Variants in SPAG16 observed in about 807,000 individuals in gnomAD.
The protein encoded by SPAG16 is sperm-associated antigen 16 protein.
SPAG16 carries 86 observed loss-of-function variants against 80.4 expected under a neutral mutation model. The observed-to-expected ratio is 1.07, with a 90% CI of 0.90 to 1.28. The LOEUF (loss-of-function observed/expected upper bound fraction) is 1.28. SPAG16 is among the 50% of genes most tolerant of loss of function. SPAG16 has a pLI of 0.00. For synonymous variants in SPAG16, 294 were observed against 265.9 expected, an observed-to-expected ratio of 1.11 and a Z score of -1.03; for missense variants, 870 against 765.3, an observed-to-expected ratio of 1.14 and a Z score of -1.61.
chr2:213,980,851 G>T (rs1003189839), intron 12 of SPAG16, among the ~76,000 whole-genome samples: 1 of 149,492 alleles, frequency 6.7e-6, no homozygotes, highest in Non-Finnish European at 1.5e-5. Flanking sequence ...GGAGGTTGCA[G>T]TGAGCCGAGA....
intron 5 of SPAG16, among the ~76,000 whole-genome samples, chr2:213,327,522 A>G (rs569710601): frequency 4.6e-5 from 7 of 152,114 alleles, no homozygotes; most frequent in Non-Finnish European, 1.0e-4. Flanking sequence ...AATTGATGCA[A>G]TGCTGCACAT....
chr2:213,906,617 C>T (rs1202325415), intron 11 of SPAG16, among the ~76,000 whole-genome samples: 1 of 152,124 alleles, frequency 6.6e-6, no homozygotes, highest in Non-Finnish European at 1.5e-5. Context: ...GCAAAATATA[C>T]TACAAAGCTA....
intron 15 of SPAG16, among the ~76,000 whole-genome samples, chr2:214,225,047 A>C (rs918885240): frequency 6.6e-6 from 1 of 152,208 alleles, no homozygotes; most frequent in East Asian, 1.9e-4. Context: ...GTTCACGAAT[A>C]AGGTAACATT....
intron 12 of SPAG16, among the ~76,000 whole-genome samples, chr2:213,980,120 G>A (rs2045619082): frequency 6.6e-6 from 1 of 151,032 alleles, no homozygotes; most frequent in African/African-American, 2.4e-5. Flanking sequence ...GGGAGGCTGA[G>A]GTGGGTAGAT....
At chr2:213,887,710 TTA>T (rs994348936) in intron 11 of SPAG16, among the ~76,000 whole-genome samples, 1 of 151,292 alleles carries the variant, frequency 6.6e-6, no homozygotes, top group Non-Finnish European at 1.5e-5. Context: ...ATTTTTAAAA[TTA>T]TATATATATG....
chr2:213,913,591 ATATGTATATG>A lies in SPAG16; in HGVS notation c.1215-16366_1215-16357del, dbSNP rs2077789893. The stretch of plus-strand genomic sequence containing the variant: ...TGTGTATATATATGTACATGTACAT[ATATGTATATG>A]TACATGTACATATATGTATATGTAC... On this transcript the variant is annotated intron_variant, in intron 11 of 15. Coordinates refer to ENST00000331683, the MANE Select transcript of SPAG16 (RefSeq NM_024532.5). Among the ~76,000 whole-genome samples the A allele has an allele frequency of 3.6e-3, 24 of 6,714 alleles. 1 individual carries two copies. Among genetic ancestry groups the A allele is most frequent in the African/African-American group, 4.6e-3 (21 of 4,566 alleles). 4.4% of individuals were successfully genotyped at this position (6,714 alleles called of 152,430 possible).
intron 15 of SPAG16, among the ~76,000 whole-genome samples, chr2:214,154,498 ACC>A (rs67537759): frequency 0.28 from 33,814 of 119,120 alleles, 4,572 homozygotes; most frequent in African/African-American, 0.35. Context: ...AAAGTATCAG[ACC>A]CCCCCCCCCC....
intron 10 of SPAG16, among the ~76,000 whole-genome samples, chr2:213,673,815 A>G (rs2063918991): frequency 6.6e-6 from 1 of 152,140 alleles, no homozygotes; most frequent in Non-Finnish European, 1.5e-5. Context: ...AAAAAAAAAT[A>G]AAGAACATTG....
chr2:214,148,746 A>G (rs2055795026), intron 14 of SPAG16, among the ~76,000 whole-genome samples: 1 of 152,028 alleles, frequency 6.6e-6, no homozygotes, highest in South Asian at 2.1e-4. Context: ...TTTATGTGTC[A>G]CATATATCAT....
intron 15 of SPAG16, among the ~76,000 whole-genome samples, chr2:214,328,662 A>G (rs1696670725): frequency 6.6e-6 from 1 of 152,352 alleles, no homozygotes; most frequent in South Asian, 2.1e-4. Context: ...ATTATTTTAT[A>G]AAATTATATA....
At chr2:213,418,133 A>T (rs2069373911) in intron 9 of SPAG16, among the ~76,000 whole-genome samples, 1 of 152,202 alleles carries the variant, frequency 6.6e-6, no homozygotes, top group Non-Finnish European at 1.5e-5. Context: ...TCAGCCTCCC[A>T]AAGTGCTGGG....
At chr2:213,604,378 C>T (rs2061180455) in intron 10 of SPAG16, among the ~76,000 whole-genome samples, 1 of 152,060 alleles carries the variant, frequency 6.6e-6, no homozygotes, top group South Asian at 2.1e-4. Flanking sequence ...TCATTGTACT[C>T]AAGCTTCATG....
At chr2:214,254,349 T>C (rs1031447787) in intron 15 of SPAG16, among the ~76,000 whole-genome samples, 2 of 152,148 alleles carry the variant, frequency 1.3e-5, no homozygotes, top group South Asian at 4.1e-4. Flanking sequence ...AGAGGGGGCA[T>C]CCTTGTCTTG....
rs1222541940 is a variant in SPAG16 at position 214,066,821 on chromosome 2, G to A, written c.1528-41375G>A. Among the ~76,000 whole-genome samples the A allele has an allele frequency of 2.0e-5, 3 of 152,110 alleles. No homozygotes were observed. In the East Asian group the frequency reaches 5.8e-4, roughly 29 times the overall value. On this transcript the variant is annotated intron_variant, in intron 13 of 15. Coordinates refer to ENST00000331683, the MANE Select transcript of SPAG16 (RefSeq NM_024532.5). Reference sequence around the variant, plus strand: ...TAGATGGATGTTTTACTGGAAAAGGGAAATAGAAGAGCAGAAAGGAAAACA... The same window carrying A: ...TAGATGGATGTTTTACTGGAAAAGGAAAATAGAAGAGCAGAAAGGAAAACA...
chr2:214,395,499 G>GA (rs1370341048), intron 15 of SPAG16, among the ~76,000 whole-genome samples: 2 of 152,094 alleles, frequency 1.3e-5, no homozygotes, highest in Non-Finnish European at 2.9e-5. Flanking sequence ...TGGTAAGGTT[G>GA]TTTAAGGTAT....
intron 15 of SPAG16, among the ~76,000 whole-genome samples, chr2:214,276,907 C>T (rs986900130): frequency 9.9e-5 from 15 of 151,990 alleles, no homozygotes; most frequent in African/African-American, 3.6e-4. Flanking sequence ...GTTCCATTCT[C>T]CCCGTCACTT....
chr2:213,600,482 C>G (rs755668462), intron 10 of SPAG16, among the ~76,000 whole-genome samples: 8 of 152,170 alleles, frequency 5.3e-5, no homozygotes, highest in African/African-American at 9.7e-5. Flanking sequence ...TCACTGAGCT[C>G]TTCTATGTTC....
At position 213,941,315 on chromosome 2, in the gene SPAG16, T is replaced by C. The variant is rs530732055; in HGVS notation, c.1400+11170T>C. On this transcript the variant is annotated intron_variant, in intron 12 of 15. Transcript: ENST00000331683. The stretch of plus-strand genomic sequence containing the variant: ...TTCCTTTTCTAATTGAGCCTGTAAC[T>C]CCTTCTTTTTAATCCTTCTCTGGAG... Among the ~76,000 whole-genome samples, 12 of 152,296 alleles carry C rather than the reference T, an allele frequency of 7.9e-5. No individual in the cohort carries two copies. The South Asian group carries it at 2.5e-3, about 32-fold the overall frequency.
At chr2:213,615,575 A>G (rs906318217) in intron 10 of SPAG16, among the ~76,000 whole-genome samples, 3 of 152,232 alleles carry the variant, frequency 2.0e-5, no homozygotes, top group Admixed American at 6.5e-5. Flanking sequence ...TAGGCGACAA[A>G]GCAAGACTAT....
Sources: allele counts gnomAD v4.1 joint callset (sites outside exome capture counted in the v4.1 genomes callset), GRCh38; gene constraint gnomAD v4.1.1; transcripts MANE v1.5; gene names NCBI Gene and HGNC (gene_info 2026-07-23, HGNC 2026-07-21).